LONRF2: variants seen among roughly 807,000 people sequenced by gnomAD.
LONRF2 encodes LON peptidase N-terminal domain and RING finger protein 2.
A neutral mutation model predicts 66.6 loss-of-function variants in LONRF2; 35 were observed. That is an observed-to-expected ratio of 0.53 (90% confidence interval 0.40 to 0.70). The LOEUF (loss-of-function observed/expected upper bound fraction) is 0.70, where lower values mean the gene tolerates loss of function less well. Ranked by LOEUF, LONRF2 falls within the 30% of genes least tolerant of loss-of-function variation. LONRF2 has a pLI of 0.00. For synonymous variants in LONRF2, 417 were observed against 418.1 expected, an observed-to-expected ratio of 1.00 and a Z score of 0.03; for missense variants, 902 against 1,002.1, an observed-to-expected ratio of 0.90 and a Z score of 1.35.
rs1402048864 is a variant in LONRF2, at chr2:100,280,365, G to A, written c.*3933C>T. On this transcript the variant is annotated 3_prime_UTR_variant, in exon 12 of 12. Transcript: ENST00000393437. ...CAGCTCATCCTTCCCATCCAGAGCG[G>A]GCTTCCCTGGGAATTAGTTTTTGGT... The A allele has an allele frequency of 6.6e-6, 1 of 152,122 alleles. No homozygotes were observed. The highest frequency in any genetic ancestry group is 1.5e-5 in the Non-Finnish European group (1 of 68,054). The allele number at this position is 152,122 out of a possible 1,614,324, so 9.4% of individuals were successfully genotyped here.
chr2:100,295,487 C>T lies in LONRF2; in HGVS notation c.1543G>A (p.Asp515Asn), dbSNP rs1364475490. The T allele has an allele frequency of 1.2e-6, 2 of 1,613,466 alleles. No individual in the cohort carries two copies. The highest frequency in any genetic ancestry group is 1.7e-6 in the Non-Finnish European group (2 of 1,179,718). The change falls in exon 8 of 12, where the codon GAT (aspartate) becomes AAT (asparagine). Residue 515 changes from aspartate to asparagine, a missense_variant. Physicochemically the swap from Asp to Asn is conservative, Grantham distance 23. Around this residue, in one of 2 missense-constraint regions of LONRF2, gnomAD observed 317 missense variants for 432.2 expected, o/e 0.73. Coordinates refer to ENST00000393437, the MANE Select transcript of LONRF2 (RefSeq NM_198461.4). ...AEELIFRYLP[D>N]ELSDRKRIYD... ...ATTCTCTTCCTATCAGACAATTCAT[C>T]CGGCAAATATCGAAATATTAATTCT... is the stretch of plus-strand genomic sequence containing the variant.
intron 8 of LONRF2, 143 bp downstream of exon 8, chr2:100,295,289 C>A: frequency 1.6e-6 from 1 of 625,312 alleles, no homozygotes; most frequent in Non-Finnish European, 2.5e-6. Flanking sequence ...AATTATGTTT[C>A]CAAAAATATT....
Position 100,282,136 on chromosome 2 carries a change from A to G in LONRF2, c.*2162T>C, listed in dbSNP as rs1674753230. Reference sequence around the variant, plus strand: ...AACGTATGTTGCTCTCGTCTGCGTCATCATTGTTGTTCAGACTTTTACATA... The same window carrying G: ...AACGTATGTTGCTCTCGTCTGCGTCGTCATTGTTGTTCAGACTTTTACATA... On this transcript the variant is annotated 3_prime_UTR_variant, in exon 12 of 12. Coordinates refer to ENST00000393437, the MANE Select transcript of LONRF2 (RefSeq NM_198461.4). The G allele has an allele frequency of 6.6e-6, 1 of 152,238 alleles. No individual in the cohort carries two copies. The highest frequency in any genetic ancestry group is 2.1e-4 in the South Asian group (1 of 4,836). 9.4% of individuals were successfully genotyped at this position (152,238 alleles called of 1,614,324 possible). A position where few individuals can be genotyped will look rare whatever the true frequency, so the allele number is the denominator to read the frequency against.
intron 1 of LONRF2, among the ~76,000 whole-genome samples, chr2:100,316,334 AAAAAG>A (rs1675506245): frequency 7.9e-6 from 1 of 126,340 alleles, no homozygotes; most frequent in Admixed American, 7.5e-5. Flanking sequence ...AAAAAAAAAA[AAAAAG>A]AAAGAAAATT....
In LONRF2 at chr2:100,322,113, C is replaced by T; in HGVS notation, c.-20G>A. On this transcript the variant is annotated 5_prime_UTR_variant, in exon 1 of 12. Coordinates refer to ENST00000393437, the MANE Select transcript of LONRF2 (RefSeq NM_198461.4). Reference sequence around the variant, plus strand: ...GCTCATCACCGCGGGGCTGCGACGACGCGGGTCCGGAGCGAAGGCGCGGAG... The same window carrying T: ...GCTCATCACCGCGGGGCTGCGACGATGCGGGTCCGGAGCGAAGGCGCGGAG... 8.1e-7 allele frequency: 1 copy of T among 1,241,794 alleles called. No homozygotes were observed. The highest frequency in any genetic ancestry group is 3.3e-5 in the South Asian group (1 of 30,218). The allele number at this position is 1,241,794 out of a possible 1,614,324, so 76.9% of individuals were successfully genotyped here.
At chr2:100,296,057 A>C (rs1290370276) in intron 7 of LONRF2, among the ~76,000 whole-genome samples, 1 of 152,086 alleles carries the variant, frequency 6.6e-6, no homozygotes. Context: ...GCAAAGGTTG[A>C]CTTTTTTTGG....
chr2:100,297,105 T>C (rs1047910739), intron 7 of LONRF2, among the ~76,000 whole-genome samples: 25 of 151,406 alleles, frequency 1.7e-4, no homozygotes, highest in African/African-American at 5.6e-4. Flanking sequence ...ATAGGAAGTC[T>C]CAGTACTTAA....
chr2:100,284,676 A>G (rs1674808917), intron 11 of LONRF2, among the ~76,000 whole-genome samples, 184 bp from the exon 12 acceptor site: 1 of 152,234 alleles, frequency 6.6e-6, no homozygotes. Flanking sequence ...ACACATTTAA[A>G]GGTGGGGGAA....
intron 2 of LONRF2, among the ~76,000 whole-genome samples, chr2:100,306,557 C>A (rs1169263157): frequency 6.6e-6 from 1 of 152,116 alleles, no homozygotes; most frequent in Non-Finnish European, 1.5e-5. Context: ...TGCAAATGGG[C>A]AAATATTTTG....
In LONRF2 at chr2:100,321,774, C is replaced by G; in HGVS notation, c.320G>C (p.Gly107Ala). 9.6e-7 allele frequency: 1 copy of G among 1,042,586 alleles called. No homozygotes were observed. The highest frequency in any genetic ancestry group is 4.2e-5 in the South Asian group (1 of 23,546). The allele number at this position is 1,042,586 out of a possible 1,614,324, so 64.6% of individuals were successfully genotyped here. A position where few individuals can be genotyped will look rare whatever the true frequency, so the allele number is the denominator to read the frequency against. The change falls in exon 1 of 12, where the codon GGC becomes GCC. Residue 107 changes from glycine (G) to alanine (A), a missense_variant. Gly to Ala is a moderately conservative substitution (Grantham distance 60, BLOSUM62 0). This residue lies in a region of LONRF2 where 585 missense variants were observed against 569.9 expected (regional missense o/e 1.03). Transcript: ENST00000393437. ...CGCGGACAGCGGCCGGTCGCGCAGG[C>G]CCACGGCGCGCACCAGGCCGCCCGC... Reference protein sequence around the residue: ...ELAGGLVRAVGLRDRPLSAEN... With the variant: ...ELAGGLVRAVALRDRPLSAEN...
Position 100,294,339 on chromosome 2 carries a change from C to G in LONRF2, c.1647G>C (p.Thr549=). The G allele has an allele frequency of 3.1e-6, 5 of 1,605,136 alleles. No homozygotes were observed. The highest frequency in any genetic ancestry group is 4.2e-6 in the Non-Finnish European group (5 of 1,176,778). Residue 549 remains threonine (T), a synonymous_variant, in exon 9 of 12, where the codon ACG becomes ACC. Transcript: ENST00000393437. ...PIFVCAMAFP[T]VPCPLHVFEP... is the part of the protein sequence containing the mutation. ...CAAAAACGTGGAGTGGACATGGGAC[C>G]GTGGGGAAGGCCATGGCACACACAA...
At chr2:100,297,741 G>A (rs565239178) in intron 7 of LONRF2, among the ~76,000 whole-genome samples, 156 of 152,212 alleles carry the variant, frequency 1.0e-3, no homozygotes, top group Non-Finnish European at 1.6e-3. Context: ...GACACACAGC[G>A]CACAGCACAA....
rs1674650783 is a variant in LONRF2, at chr2:100,278,762, A to C, written c.*5536T>G. 6.6e-6 allele frequency: 1 copy of C among 152,160 alleles called. No individual in the cohort carries two copies. Among genetic ancestry groups the C allele is most frequent in the Admixed American group, 6.5e-5 (1 of 15,274 alleles). 9.4% of individuals were successfully genotyped at this position (152,160 alleles called of 1,614,324 possible). A position where few individuals can be genotyped will look rare whatever the true frequency, so the allele number is the denominator to read the frequency against. On this transcript the variant is annotated 3_prime_UTR_variant, in exon 12 of 12. Transcript: ENST00000393437. ...GTCCCAGCCACGACCTCGCCGTGGG[A>C]GATAACTTTGTCCCAGATATTAAAA...
chr2:100,319,695 T>C (rs1675582661), intron 1 of LONRF2, among the ~76,000 whole-genome samples: 1 of 152,252 alleles, frequency 6.6e-6, no homozygotes, highest in South Asian at 2.1e-4. Flanking sequence ...ATTTATTTTC[T>C]TTCTGTATAG....
chr2:100,304,922 C>T (rs574270425), intron 2 of LONRF2, among the ~76,000 whole-genome samples: 1 of 151,954 alleles, frequency 6.6e-6, no homozygotes, highest in Admixed American at 6.6e-5. Context: ...TGAGCCACTG[C>T]ACCCAGCCTC....
intron 7 of LONRF2, among the ~76,000 whole-genome samples, chr2:100,297,348 G>A (rs1413083219): frequency 4.0e-5 from 6 of 151,766 alleles, no homozygotes; most frequent in African/African-American, 1.2e-4. Context: ...CGTGTTAGCC[G>A]GGATGGTCTC....
chr2:100,283,391 T>A lies in LONRF2; in HGVS notation c.*907A>T, dbSNP rs1464838367. Reference sequence around the variant, plus strand: ...GTATATTAATAAATGGATAGTAAACTGAAATTTACTGATGGGGCTAATTTC... The same window carrying A: ...GTATATTAATAAATGGATAGTAAACAGAAATTTACTGATGGGGCTAATTTC... On this transcript the variant is annotated 3_prime_UTR_variant, in exon 12 of 12. Transcript: ENST00000393437. 2 of 152,188 alleles carry A rather than the reference T, an allele frequency of 1.3e-5. No homozygotes were observed. The highest frequency in any genetic ancestry group is 2.9e-5 in the Non-Finnish European group (2 of 68,040). The allele number at this position is 152,188 out of a possible 1,614,324, so 9.4% of individuals were successfully genotyped here.
At chr2:100,295,370 A>C (rs1477867563) in intron 8 of LONRF2, 62 bp downstream of exon 8, 3 of 1,520,994 alleles carry the variant, frequency 2.0e-6, no homozygotes, top group Non-Finnish European at 2.7e-6. Context: ...TCTGAGGTGA[A>C]GCTGAAGTTG....
At chr2:100,292,292 C>A (rs1674978365) in intron 9 of LONRF2, among the ~76,000 whole-genome samples, 1 of 152,190 alleles carries the variant, frequency 6.6e-6, no homozygotes, top group Non-Finnish European at 1.5e-5. Flanking sequence ...CATCAAGGAG[C>A]CTCTTATCTG....
Sources: gnomAD v4.1 joint callset for allele counts (sites outside exome capture counted in the v4.1 genomes callset) on GRCh38, gnomAD v4.1.1 for gene constraint, gnomAD v4.1.1 regional missense constraint, MANE v1.5 for transcripts, NCBI Gene and HGNC (gene_info 2026-07-23, HGNC 2026-07-21) for gene names.